The following ZNF804B variants were observed in gnomAD, a reference collection of about 807,000 sequenced individuals.
ZNF804B encodes the protein zinc finger protein 804B, also known as zinc finger 804B.
Under a neutral mutation model 101.4 loss-of-function variants are expected in ZNF804B, and 80 were observed. That is an observed-to-expected ratio of 0.79 (90% CI 0.66 to 0.95). The LOEUF is 0.95. ZNF804B is among the 40% of genes least tolerant of loss of function. The pLI is 0.00. For missense variants in ZNF804B, 1,673 were observed against 1,561.9 expected (o/e 1.07, Z -1.20); for synonymous variants, 622 against 558.8 (o/e 1.11, Z -1.59).
rs145483446 is a variant in ZNF804B at position 88,974,117 on chromosome 7, G to T, written c.108+214033G>T. On this transcript the variant is annotated intron_variant, in intron 1 of 3. Transcript: ENST00000333190. ...GGGATATATAGGGATTCCCGAAGTG[G>T]CAGAAGTCACCTTCTCCCTGACTGC... Among the ~76,000 whole-genome samples the T allele has an allele frequency of 2.0e-5, 3 of 151,370 alleles. No individual in the cohort carries two copies. In the East Asian group the frequency reaches 5.9e-4, roughly 30 times the overall value.
At chr7:89,308,475 C>T (rs1223114171) in intron 2 of ZNF804B, among the ~76,000 whole-genome samples, 1 of 152,138 alleles carries the variant, frequency 6.6e-6, no homozygotes, top group African/African-American at 2.4e-5. Flanking sequence ...CCCAGTTATT[C>T]CCTATATGCA....
At chr7:89,286,427 C>T (rs1166237999) in intron 2 of ZNF804B, among the ~76,000 whole-genome samples, 1 of 152,156 alleles carries the variant, frequency 6.6e-6, no homozygotes, top group Non-Finnish European at 1.5e-5. Flanking sequence ...AGCCACCAAG[C>T]CTGAAACAAT....
chr7:89,244,223 A>C (rs1713129151), intron 2 of ZNF804B, among the ~76,000 whole-genome samples: 1 of 152,030 alleles, frequency 6.6e-6, no homozygotes, highest in South Asian at 2.1e-4. Flanking sequence ...ATCTGGAGTA[A>C]TGTTTGTTTA....
intron 1 of ZNF804B, among the ~76,000 whole-genome samples, chr7:88,819,067 T>C (rs1790931543): frequency 6.6e-6 from 1 of 152,176 alleles, no homozygotes; most frequent in Admixed American, 6.5e-5. Context: ...ATTGACTGTA[T>C]TTTCTTCACT....
intron 1 of ZNF804B, among the ~76,000 whole-genome samples, chr7:89,125,031 G>C (rs897801978): frequency 7.6e-6 from 1 of 131,634 alleles, no homozygotes; most frequent in East Asian, 2.2e-4. Flanking sequence ...GACAATTGTT[G>C]TTTTTTTTTT....
intron 1 of ZNF804B, among the ~76,000 whole-genome samples, chr7:88,788,363 A>G (rs1036270460): frequency 2.0e-5 from 3 of 151,954 alleles, no homozygotes; most frequent in African/African-American, 7.3e-5. Flanking sequence ...GTCCTTCAAC[A>G]CACCAAGCTT....
intron 1 of ZNF804B, among the ~76,000 whole-genome samples, chr7:89,083,103 C>T (rs1170298989): frequency 6.6e-6 from 1 of 151,526 alleles, no homozygotes; most frequent in African/African-American, 2.4e-5. Flanking sequence ...TTTGTAAATG[C>T]CTCTTGAAAT....
chr7:89,022,284 A>G (rs1359605527), intron 1 of ZNF804B, among the ~76,000 whole-genome samples: 1 of 151,996 alleles, frequency 6.6e-6, no homozygotes, highest in East Asian at 1.9e-4. Flanking sequence ...TATGGGGAGG[A>G]TGAGTGTCAT....
chr7:89,219,173 T>C (rs370980375), intron 2 of ZNF804B, among the ~76,000 whole-genome samples: 77 of 152,220 alleles, frequency 5.1e-4, no homozygotes, highest in African/African-American at 1.8e-3. Flanking sequence ...TAATGTCTTA[T>C]TCAAAGTTAC....
At chr7:89,246,861 T>G (rs562361339) in intron 2 of ZNF804B, among the ~76,000 whole-genome samples, 1 of 152,272 alleles carries the variant, frequency 6.6e-6, no homozygotes, top group Admixed American at 6.5e-5. Flanking sequence ...CAACCTGAGC[T>G]GCCCCACCCT....
intron 1 of ZNF804B, among the ~76,000 whole-genome samples, chr7:89,214,089 C>T (rs1464956224): frequency 6.6e-6 from 1 of 152,154 alleles, no homozygotes; most frequent in African/African-American, 2.4e-5. Context: ...GTACCCAAAA[C>T]ATTAATTATA....
intron 1 of ZNF804B, among the ~76,000 whole-genome samples, chr7:88,927,016 C>T (rs920290132): frequency 7.9e-5 from 12 of 151,514 alleles, no homozygotes; most frequent in South Asian, 2.1e-4. Flanking sequence ...TGAGTGGCAG[C>T]GCATACATTT....
intron 1 of ZNF804B, among the ~76,000 whole-genome samples, chr7:89,186,939 G>A (rs1204009710): frequency 6.6e-6 from 1 of 152,062 alleles, no homozygotes; most frequent in Non-Finnish European, 1.5e-5. Flanking sequence ...ACAACACGGG[G>A]ACCTCCACAG....
chr7:88,823,070 C>A (rs879887576), intron 1 of ZNF804B, among the ~76,000 whole-genome samples: 1 of 151,860 alleles, frequency 6.6e-6, no homozygotes, highest in African/African-American at 2.4e-5. Context: ...ATTAGCCTGG[C>A]GTAGTGGCAG....
At position 89,054,601 on chromosome 7, in the gene ZNF804B, C is replaced by G. The variant is rs1789262188; in HGVS notation, c.109-163554C>G. 2.6e-5 allele frequency among the ~76,000 whole-genome samples: 4 copies of G among 151,754 alleles called. No individual in the cohort carries two copies. The South Asian group carries it at 8.3e-4, about 32-fold the overall frequency. On this transcript the variant is annotated intron_variant, in intron 1 of 3. Transcript: ENST00000333190. ...AAAGGATGGTTAAGCACTGAGTAAGCTTTTTTTTCATTTTTGTTATCTGGC... is the reference window on the plus strand; with the variant it reads ...AAAGGATGGTTAAGCACTGAGTAAGGTTTTTTTTCATTTTTGTTATCTGGC...
intron 1 of ZNF804B, among the ~76,000 whole-genome samples, chr7:89,117,586 A>C (rs1183827154): frequency 6.6e-6 from 1 of 152,208 alleles, no homozygotes; most frequent in African/African-American, 2.4e-5. Flanking sequence ...GAGTTCAAGT[A>C]ATTTGCTCAA....
intron 2 of ZNF804B, among the ~76,000 whole-genome samples, chr7:89,309,012 G>A (rs1191137420): frequency 6.6e-6 from 1 of 152,068 alleles, no homozygotes; most frequent in Admixed American, 6.6e-5. Context: ...TTTAGAATCA[G>A]GGGGTACATG....
chr7:89,168,008 CT>C (rs1791169642), intron 1 of ZNF804B, among the ~76,000 whole-genome samples: 1 of 151,968 alleles, frequency 6.6e-6, no homozygotes, highest in African/African-American at 2.4e-5. Flanking sequence ...TTGTAGTTGA[CT>C]TTAAGTACCA....
At chr7:89,178,304 A>ATTT (rs59455234) in intron 1 of ZNF804B, among the ~76,000 whole-genome samples, 4 of 142,470 alleles carry the variant, frequency 2.8e-5, no homozygotes, top group Admixed American at 6.9e-5. Flanking sequence ...TACTCCTGCC[A>ATTT]TTTTTTTTTT....
Sources: allele counts gnomAD v4.1 joint callset (sites outside exome capture counted in the v4.1 genomes callset), GRCh38; gene constraint gnomAD v4.1.1; transcripts MANE v1.5; gene names NCBI Gene and HGNC (gene_info 2026-07-23, HGNC 2026-07-21).